Variants in RASSF5 observed in about 807,000 individuals in gnomAD.
The protein encoded by RASSF5 is Ras association domain family member 5, also known as ras association domain-containing protein 5.
In RASSF5, 25 loss-of-function variants were observed where a neutral mutation model predicts 40.5. That is an observed-to-expected ratio of 0.62 (90% CI 0.45 to 0.86). RASSF5 has a LOEUF of 0.86. RASSF5 is among the 40% of genes least tolerant of loss of function. The pLI is 0.00. For missense variants in RASSF5, 521 were observed against 572.8 expected (o/e 0.91, Z 0.92); for synonymous variants, 246 against 252.4 (o/e 0.97, Z 0.24).
Position 206,585,167 on chromosome 1 carries a change from T to C in RASSF5, c.989-13T>C. 6.2e-7 allele frequency: 1 copy of C among 1,603,736 alleles called. No individual in the cohort carries two copies. Among genetic ancestry groups the C allele is most frequent in the African/African-American group, 1.3e-5 (1 of 74,810 alleles). On this transcript the variant is annotated splice_polypyrimidine_tract_variant and intron_variant, in intron 4 of 5. Coordinates refer to ENST00000579436, the MANE Select transcript of RASSF5 (RefSeq NM_182663.4). The stretch of plus-strand genomic sequence containing the variant: ...TCTGGGAAGAGCTCCCAGCACCCTC[T>C]CTTGGTTTGCAGTGCTCTTCCAGAA...
At chr1:206,540,450 A>G (rs999947078) in intron 2 of RASSF5, among the ~76,000 whole-genome samples, 10 of 152,370 alleles carry the variant, frequency 6.6e-5, no homozygotes, top group Admixed American at 6.5e-4. Flanking sequence ...ACACCACTGA[A>G]ACATTGCAGA....
chr1:206,519,471 GATT>G (rs1558496411), intron 1 of RASSF5, among the ~76,000 whole-genome samples: 3 of 152,314 alleles, frequency 2.0e-5, no homozygotes, highest in Middle Eastern at 3.4e-3. Context: ...ATGGGAAGGG[GATT>G]ATTCTGTTTC....
At chr1:206,583,747 T>C (rs1026502523) in intron 3 of RASSF5, 3 of 244,362 alleles carry the variant, frequency 1.2e-5, no homozygotes, top group Non-Finnish European at 1.6e-5. Flanking sequence ...ACCCCTTCGA[T>C]TGTGAGAGAG....
At chr1:206,547,819 T>A (rs1308416807) in intron 2 of RASSF5, among the ~76,000 whole-genome samples, 1 of 152,202 alleles carries the variant, frequency 6.6e-6, no homozygotes, top group Non-Finnish European at 1.5e-5. Context: ...ATTTAAATGA[T>A]AAGAAATTGT....
At chr1:206,527,797 G>A (rs1416957907) in intron 1 of RASSF5, among the ~76,000 whole-genome samples, 1 of 152,158 alleles carries the variant, frequency 6.6e-6, no homozygotes, top group East Asian at 1.9e-4. Flanking sequence ...CCCCAGTGAA[G>A]CCCATCCCTG....
chr1:206,524,590 T>A lies in RASSF5; in HGVS notation c.458-13582T>A, dbSNP rs1338280304. 2.4e-4 allele frequency among the ~76,000 whole-genome samples: 30 copies of A among 123,954 alleles called. No homozygotes were observed. The East Asian group carries it at 3.8e-3, about 16-fold the overall frequency. 81.3% of individuals were successfully genotyped at this position (123,954 alleles called of 152,430 possible). On this transcript the variant is annotated intron_variant, in intron 1 of 5. Coordinates refer to ENST00000579436, the MANE Select transcript of RASSF5 (RefSeq NM_182663.4). ...TATGTATAATATATAAAATATATAT[T>A]ATATATTATGTATAATATATAAAAT...
At chr1:206,570,905 T>C (rs1434947203) in intron 2 of RASSF5, among the ~76,000 whole-genome samples, 1 of 152,064 alleles carries the variant, frequency 6.6e-6, no homozygotes, top group East Asian at 1.9e-4. Context: ...CAAATACTGG[T>C]TTTCTGATAT....
chr1:206,518,144 C>T (rs1553395646), intron 1 of RASSF5, among the ~76,000 whole-genome samples: 1 of 152,064 alleles, frequency 6.6e-6, no homozygotes, highest in Non-Finnish European at 1.5e-5. Flanking sequence ...TTGGTGGGGG[C>T]ATTTTTATCT....
chr1:206,572,072 G>A (rs1668471434), intron 2 of RASSF5, among the ~76,000 whole-genome samples: 1 of 152,192 alleles, frequency 6.6e-6, no homozygotes, highest in South Asian at 2.1e-4. Flanking sequence ...CTCATCTGGT[G>A]TTCAGTAGTC....
chr1:206,557,607 T>C (rs941241170), intron 2 of RASSF5: 5 of 1,614,136 alleles, frequency 3.1e-6, no homozygotes, highest in Non-Finnish European at 4.2e-6. Flanking sequence ...CAGTGGGTAC[T>C]GCAGCCTGGA....
intron 1 of RASSF5, among the ~76,000 whole-genome samples, chr1:206,524,577 A>G (rs1553396840): frequency 7.3e-6 from 1 of 137,374 alleles, no homozygotes; most frequent in African/African-American, 2.7e-5. Context: ...TGTATAATAT[A>G]TAAAATATAT....
chr1:206,568,266 T>C (rs7514542), intron 2 of RASSF5, among the ~76,000 whole-genome samples: 5,664 of 152,306 alleles, frequency 0.037, 115 homozygotes, highest in Admixed American at 0.049. Flanking sequence ...GTATCACATA[T>C]TAATCCCTGA....
At chr1:206,578,324 T>C (rs1422095651) in intron 2 of RASSF5, among the ~76,000 whole-genome samples, 2 of 152,110 alleles carry the variant, frequency 1.3e-5, no homozygotes, top group Admixed American at 1.3e-4. Flanking sequence ...AGGTTAGCTT[T>C]AACCTTCCTG....
chr1:206,576,156 C>T (rs1414140750), intron 2 of RASSF5, among the ~76,000 whole-genome samples: 1 of 152,232 alleles, frequency 6.6e-6, no homozygotes, highest in Non-Finnish European at 1.5e-5. Flanking sequence ...AATCATTAAA[C>T]AATAAAAGGC....
At chr1:206,567,392 T>C (rs1668317560) in intron 2 of RASSF5, among the ~76,000 whole-genome samples, 1 of 152,182 alleles carries the variant, frequency 6.6e-6, no homozygotes, top group Admixed American at 6.5e-5. Flanking sequence ...ATCTTTTGTT[T>C]ATTTTACTCT....
chr1:206,523,713 TACA>T (rs1191445509), intron 1 of RASSF5, among the ~76,000 whole-genome samples: 1 of 57,298 alleles, frequency 1.7e-5, no homozygotes, highest in East Asian at 1.1e-3. Context: ...TTATATATTA[TACA>T]ATATATTTAT....
At chr1:206,557,669 T>C (rs1296450375) in intron 2 of RASSF5, 1 of 1,614,070 alleles carries the variant, frequency 6.2e-7, no homozygotes, top group Non-Finnish European at 8.5e-7. Context: ...TTTTCAGAAA[T>C]GCGCAGAGCA....
At chr1:206,520,345 G>A (rs187643912) in intron 1 of RASSF5, among the ~76,000 whole-genome samples, 131 of 152,282 alleles carry the variant, frequency 8.6e-4, no homozygotes, top group African/African-American at 2.9e-3. Context: ...GGTGGCTCAC[G>A]CCTGTAATCC....
rs1558494369 is a variant in RASSF5, at chr1:206,513,620, T to C, written c.457+5561T>C. ...GGGCTCTGTTCTGACTCTCCATGGC[T>C]GGGTGGGGAAGGGCTGGCGGCAGCT... is the stretch of plus-strand genomic sequence containing the variant. On this transcript the variant is annotated intron_variant, in intron 1 of 5. Coordinates refer to ENST00000579436, the MANE Select transcript of RASSF5 (RefSeq NM_182663.4). This position sits in a 1 kb window ranked among gnomAD's most constrained non-coding sequence, Gnocchi z 5.0. Among the ~76,000 whole-genome samples the C allele has an allele frequency of 6.6e-6, 1 of 152,186 alleles. No individual in the cohort carries two copies. Among genetic ancestry groups the C allele is most frequent in the Non-Finnish European group, 1.5e-5 (1 of 68,018 alleles).
Sources: gnomAD v4.1 joint callset for allele counts (sites outside exome capture counted in the v4.1 genomes callset) on GRCh38, gnomAD v4.1.1 for gene constraint, Gnocchi (gnomAD v3.1) non-coding constraint, MANE v1.5 for transcripts, NCBI Gene and HGNC (gene_info 2026-07-23, HGNC 2026-07-21) for gene names.